SCD5: variants seen among roughly 807,000 people sequenced by gnomAD.
SCD5 encodes the protein stearoyl-CoA desaturase 5, also known as acyl-CoA-desaturase 4.
A neutral mutation model predicts 30.4 loss-of-function variants in SCD5; 20 were observed. That is an observed-to-expected ratio of 0.66 (90% confidence interval 0.46 to 0.96). The LOEUF (loss-of-function observed/expected upper bound fraction) is 0.96. Ranked by LOEUF, SCD5 falls within the 40% of genes least tolerant of loss-of-function variation. The pLI, the probability that SCD5 is intolerant of heterozygous loss-of-function variation, is 0.00. For missense variants in SCD5, 381 were observed against 443.3 expected, an observed-to-expected ratio of 0.86 and a Z score of 1.26; for synonymous variants, 173 against 176.4, an observed-to-expected ratio of 0.98 and a Z score of 0.16.
intron 2 of SCD5, among the ~76,000 whole-genome samples, chr4:82,689,445 A>G (rs773801635): frequency 3.9e-5 from 6 of 152,220 alleles, no homozygotes; most frequent in Non-Finnish European, 8.8e-5. Context: ...AAACTGGGGT[A>G]ATTTGGTCAT....
chr4:82,696,341 C>A (rs1347812022), intron 2 of SCD5, among the ~76,000 whole-genome samples: 1 of 152,132 alleles, frequency 6.6e-6, no homozygotes, highest in Non-Finnish European at 1.5e-5. Flanking sequence ...CGCTGGCTGG[C>A]ATTAATGGGA....
intron 1 of SCD5, among the ~76,000 whole-genome samples, chr4:82,788,912 A>T (rs1227651990): frequency 6.6e-6 from 1 of 152,230 alleles, no homozygotes; most frequent in African/African-American, 2.4e-5. Context: ...CTGCTATTTG[A>T]TGGCATTTCT....
In SCD5 at chr4:82,664,993, CTCTCTCTATA is replaced by C. The variant is rs1202825527; in HGVS notation, c.569+15704_569+15713del. On this transcript the variant is annotated intron_variant, in intron 3 of 4. Coordinates refer to ENST00000319540, the MANE Select transcript of SCD5 (RefSeq NM_001037582.3). Reference sequence around the variant, plus strand: ...TCTCTCTCTCTCTCTCTCTCTCTCTCTCTCTCTATATATATATATATATATATGTATAATA... The same window carrying C: ...TCTCTCTCTCTCTCTCTCTCTCTCTCTATATATATATATATATGTATAATA... Among the ~76,000 whole-genome samples, 95 of 86,944 alleles carry C rather than the reference CTCTCTCTATA, an allele frequency of 1.1e-3. 1 individual carries two copies. Among genetic ancestry groups the C allele is most frequent in the African/African-American group, 4.3e-3 (75 of 17,522 alleles). The allele number at this position is 86,944 out of a possible 152,430, so 57.0% of individuals were successfully genotyped here.
intron 2 of SCD5, among the ~76,000 whole-genome samples, chr4:82,704,723 A>C (rs59700945): frequency 0.011 from 1,721 of 152,330 alleles, 36 homozygotes; most frequent in African/African-American, 0.039. Context: ...CAGATGGAAT[A>C]GTCTTTCCAC....
chr4:82,678,084 A>G (rs567073737), intron 3 of SCD5, among the ~76,000 whole-genome samples: 1 of 152,162 alleles, frequency 6.6e-6, no homozygotes, highest in East Asian at 1.9e-4. Context: ...GGTGACCTCT[A>G]TAGTTTAGAA....
intron 1 of SCD5, among the ~76,000 whole-genome samples, chr4:82,772,274 C>T (rs1721641360): frequency 6.6e-6 from 1 of 152,222 alleles, no homozygotes; most frequent in African/African-American, 2.4e-5. Context: ...CCATGCGTCA[C>T]TACATCAGAC....
chr4:82,798,198 G>C (rs1410399989), intron 1 of SCD5, 108 bp downstream of exon 1: 11 of 1,111,992 alleles, frequency 9.9e-6, no homozygotes, highest in Non-Finnish European at 1.2e-5. Flanking sequence ...AGGGGAGACC[G>C]GGGGTCGCTG....
chr4:82,640,364 A>G (rs1727517248), intron 3 of SCD5, among the ~76,000 whole-genome samples: 1 of 152,132 alleles, frequency 6.6e-6, no homozygotes, highest in Non-Finnish European at 1.5e-5. Flanking sequence ...GTCCAGGCAC[A>G]TTGCCTCTTC....
At chr4:82,699,623 A>G (rs1374420167) in intron 2 of SCD5, among the ~76,000 whole-genome samples, 2 of 145,304 alleles carry the variant, frequency 1.4e-5, no homozygotes, top group African/African-American at 5.1e-5. Context: ...CTGGAGTGCA[A>G]TGGCCCAATG....
At chr4:82,784,030 AT>A (rs1474948431) in intron 1 of SCD5, among the ~76,000 whole-genome samples, 1 of 152,208 alleles carries the variant, frequency 6.6e-6, no homozygotes, top group Non-Finnish European at 1.5e-5. Flanking sequence ...TATAACGTAT[AT>A]ACATACACAG....
At chr4:82,736,562 C>G (rs112801175) in intron 1 of SCD5, among the ~76,000 whole-genome samples, 1 of 151,820 alleles carries the variant, frequency 6.6e-6, no homozygotes, top group Non-Finnish European at 1.5e-5. Context: ...GAGCCCAGAT[C>G]GCGCCATTGC....
intron 3 of SCD5, among the ~76,000 whole-genome samples, chr4:82,639,696 G>A (rs911915831): frequency 6.6e-6 from 1 of 152,198 alleles, no homozygotes; most frequent in Non-Finnish European, 1.5e-5. Context: ...ACTATGGAGG[G>A]AACATGGAAG....
intron 1 of SCD5, among the ~76,000 whole-genome samples, chr4:82,720,447 A>T (rs983522203): frequency 2.7e-5 from 4 of 148,018 alleles, no homozygotes; most frequent in South Asian, 4.2e-4. Context: ...AAAATAAAAA[A>T]AAAAAAAAAA....
intron 2 of SCD5, among the ~76,000 whole-genome samples, chr4:82,700,174 A>G (rs1308734923): frequency 6.6e-6 from 1 of 152,022 alleles, no homozygotes; most frequent in Non-Finnish European, 1.5e-5. Context: ...TCGAGATCAC[A>G]CCACTGCATT....
intron 1 of SCD5, among the ~76,000 whole-genome samples, chr4:82,733,512 T>C (rs539666442): frequency 2.6e-4 from 39 of 152,284 alleles, no homozygotes; most frequent in African/African-American, 8.7e-4. Context: ...TAGGTTAATA[T>C]GCATAAGTGT....
chr4:82,692,199 G>A, intron 2 of SCD5: 1 of 157,790 alleles, frequency 6.3e-6, no homozygotes, highest in Non-Finnish European at 1.4e-5. Context: ...TCCTGGCCAT[G>A]CTGACCGACG....
At chr4:82,657,967 G>C (rs1727900013) in intron 3 of SCD5, among the ~76,000 whole-genome samples, 1 of 152,208 alleles carries the variant, frequency 6.6e-6, no homozygotes, top group African/African-American at 2.4e-5. Flanking sequence ...CATCGCTGAA[G>C]TTGCTTATCA....
intron 1 of SCD5, among the ~76,000 whole-genome samples, chr4:82,716,153 T>C (rs1479201128): frequency 2.0e-5 from 3 of 151,794 alleles, no homozygotes; most frequent in Admixed American, 6.5e-5. Flanking sequence ...TCGAAGCCTC[T>C]TCCTTTCCCT....
At position 82,682,638 on chromosome 4, in the gene SCD5, A is replaced by G. The variant is rs536265206; in HGVS notation, c.364-1726T>C. Reference sequence around the variant, plus strand: ...GCTTCATCCTTCTGATGAGAAGGGAAGAAATTGTTTTGTTTTTGTTTGTTT... The same window carrying G: ...GCTTCATCCTTCTGATGAGAAGGGAGGAAATTGTTTTGTTTTTGTTTGTTT... On this transcript the variant is annotated intron_variant, in intron 2 of 4. Coordinates refer to ENST00000319540, the MANE Select transcript of SCD5 (RefSeq NM_001037582.3). 1.7e-3 allele frequency among the ~76,000 whole-genome samples: 264 copies of G among 152,220 alleles called. 2 individuals are homozygous for G. Among genetic ancestry groups the G allele is most frequent in the Non-Finnish European group, 3.3e-3 (224 of 68,012 alleles).
Sources: allele counts gnomAD v4.1 joint callset (sites outside exome capture counted in the v4.1 genomes callset), GRCh38; gene constraint gnomAD v4.1.1; transcripts MANE v1.5; gene names NCBI Gene and HGNC (gene_info 2026-07-23, HGNC 2026-07-21).